HDAC7: variants seen among roughly 807,000 people sequenced by gnomAD.
HDAC7 encodes histone deacetylase 7.
In HDAC7, 26 loss-of-function variants were observed where a neutral mutation model predicts 115.5. The ratio of observed to expected loss-of-function variants is 0.23; its 90% CI spans 0.16 to 0.31. The LOEUF is 0.31. Among genes scored for constraint, HDAC7 ranks in the 10% least tolerant of loss-of-function variants. The pLI, the probability that HDAC7 is intolerant of heterozygous loss-of-function variation, is 1.00. For missense variants in HDAC7, 1,068 were observed against 1,329.0 expected (o/e 0.80, Z 3.05); for synonymous variants, 564 against 550.9 (o/e 1.02, Z -0.33).
rs754974512 is a variant in HDAC7, at chr12:47,782,769, T to G, written c.*1072A>C. 1 of 152,630 alleles carries G rather than the reference T, an allele frequency of 6.6e-6. No homozygotes were observed. Among genetic ancestry groups the G allele is most frequent in the Non-Finnish European group, 1.5e-5 (1 of 68,044 alleles). 9.5% of individuals were successfully genotyped at this position (152,630 alleles called of 1,614,324 possible). On this transcript the variant is annotated 3_prime_UTR_variant, in exon 26 of 26. Coordinates refer to ENST00000080059, the MANE Select transcript of HDAC7 (RefSeq NM_015401.5). ...ATTGTTCAGATTTTTTTCCATTTTC[T>G]TCCTTTTTACAAAAACATGCATACA...
Position 47,795,772 on chromosome 12 carries a change from G to A in HDAC7, c.907-5C>T, listed in dbSNP as rs969144635. On this transcript the variant is annotated splice_region_variant and splice_polypyrimidine_tract_variant and intron_variant, in intron 9 of 25. Coordinates refer to ENST00000080059, the MANE Select transcript of HDAC7 (RefSeq NM_015401.5). The surrounding 1 kb of genome is among the most constrained non-coding windows in gnomAD (Gnocchi z 4.3). Reference sequence around the variant, plus strand: ...GGTCCTGCGGTCACTGTCAGCCTGGGGGAGAGGCGGGAGAAGTCACGGGGA... The same window carrying A: ...GGTCCTGCGGTCACTGTCAGCCTGGAGGAGAGGCGGGAGAAGTCACGGGGA... 1.6e-5 allele frequency: 25 copies of A among 1,520,606 alleles called. No homozygotes were observed. Among genetic ancestry groups the A allele is most frequent in the Admixed American group, 1.0e-4 (5 of 48,512 alleles). The allele number at this position is 1,520,606 out of a possible 1,614,324, so 94.2% of individuals were successfully genotyped here.
chr12:47,788,292 C>A, intron 19 of HDAC7, 128 bp from the exon 20 acceptor site: 1 of 1,228,342 alleles, frequency 8.1e-7, no homozygotes, highest in Non-Finnish European at 1.1e-6. Flanking sequence ...ACCTGGGGTT[C>A]CTAAAGCCAC....
chr12:47,802,510 A>G, intron 1 of HDAC7: 1 of 1,550,230 alleles, frequency 6.5e-7, no homozygotes, highest in Non-Finnish European at 8.7e-7. Context: ...ACTCATTCTA[A>G]ATGACTTGAA....
chr12:47,783,962 C>A lies in HDAC7; in HGVS notation c.2931-76G>T. On this transcript the variant is annotated intron_variant, in intron 25 of 25. Coordinates refer to ENST00000080059, the MANE Select transcript of HDAC7 (RefSeq NM_015401.5). ...GGCCTTAGCTAAGCTTCCTCTCAAC[C>A]CTGGTCAGGAAGCCTGGGAGGGTTG... The A allele has an allele frequency of 1.9e-6, 3 of 1,605,322 alleles. No individual in the cohort carries two copies. In the Admixed American group the frequency reaches 5.0e-5, roughly 27 times the overall value.
At position 47,783,894 on chromosome 12, in the gene HDAC7, G is replaced by A. The variant is rs753918682; in HGVS notation, c.2931-8C>T. On this transcript the variant is annotated splice_region_variant and splice_polypyrimidine_tract_variant and intron_variant, in intron 25 of 25. Transcript: ENST00000080059. ...ACCAGCTGCTCCGAGGGCCTGTGGG[G>A]AGGGACAAGGGTGGGATGCTGGAGC... 1 of 1,613,050 alleles carries A rather than the reference G, an allele frequency of 6.2e-7. No homozygotes were observed. Among genetic ancestry groups the A allele is most frequent in the Non-Finnish European group, 8.5e-7 (1 of 1,179,742 alleles).
intron 1 of HDAC7, among the ~76,000 whole-genome samples, chr12:47,814,813 G>T (rs1355492026): frequency 6.6e-6 from 1 of 152,210 alleles, no homozygotes; most frequent in South Asian, 2.1e-4. Context: ...GTGGGAGACG[G>T]CATCAATGTC....
At chr12:47,785,525 T>C (rs1943127615) in intron 23 of HDAC7, 54 bp from the exon 24 acceptor site, 1 of 1,540,430 alleles carries the variant, frequency 6.5e-7, no homozygotes, top group East Asian at 2.3e-5. Flanking sequence ...CAGGCCCAGC[T>C]CACTCCCACC....
At chr12:47,791,801 G>GGCCCC in intron 14 of HDAC7, 70 bp downstream of exon 14, 17 of 1,510,884 alleles carry the variant, frequency 1.1e-5, no homozygotes, top group Admixed American at 2.0e-5. Context: ...GGGCCCCAGG[G>GGCCCC]CCCCCCACCC....
chr12:47,794,799 A>C lies in HDAC7; in HGVS notation c.1419T>G (p.Pro473=), dbSNP rs777047330. The C allele has an allele frequency of 1.2e-5, 20 of 1,611,116 alleles. No individual in the cohort carries two copies. Among genetic ancestry groups the C allele is most frequent in the Non-Finnish European group, 1.7e-5 (20 of 1,179,136 alleles). The change falls in exon 12 of 26, where the codon CCT becomes CCG. Residue 473 remains proline (P), a synonymous_variant. Transcript: ENST00000080059. ...GGAGAGGAGCGGGGCCTCTGGCCTC[A>C]GGCTGCCCATGGCCCAGCTCCCTGT... ...LEHRELGHGQ[P]EARGPAPLQQ...
chr12:47,801,073 A>G (rs1357565349), intron 2 of HDAC7, among the ~76,000 whole-genome samples: 2 of 151,996 alleles, frequency 1.3e-5, no homozygotes, highest in Non-Finnish European at 2.9e-5. Flanking sequence ...CCTACATTCT[A>G]CTTTTCCAAA....
Position 47,815,893 on chromosome 12 carries a change from ATTT to A in HDAC7, c.19+3871_19+3873del, listed in dbSNP as rs34394540. Among the ~76,000 whole-genome samples the A allele has an allele frequency of 5.1e-5, 6 of 118,284 alleles. No homozygotes were observed. In the South Asian group the frequency reaches 1.4e-3, roughly 28 times the overall value. The allele number at this position is 118,284 out of a possible 152,430, so 77.6% of individuals were successfully genotyped here. ...CCCAAAGCCACCGCGTCCAGCCAGG[ATTT>A]TTTTTTTTTTTTTTTTTTACAGAGT... On this transcript the variant is annotated intron_variant, in intron 1 of 25. Coordinates refer to ENST00000080059, the MANE Select transcript of HDAC7 (RefSeq NM_015401.5).
chr12:47,802,442 C>G, intron 1 of HDAC7, 168 bp from the exon 2 acceptor site: 2 of 1,550,516 alleles, frequency 1.3e-6, no homozygotes, highest in South Asian at 1.2e-5. Context: ...CCACCCCATT[C>G]GACTCCTCCA....
At position 47,797,075 on chromosome 12, in the gene HDAC7, C is replaced by T; in HGVS notation, c.645G>A (p.Leu215=). 2 of 1,608,072 alleles carry T rather than the reference C, an allele frequency of 1.2e-6. No individual in the cohort carries two copies. Among genetic ancestry groups the T allele is most frequent in the Non-Finnish European group, 1.7e-6 (2 of 1,177,356 alleles). ...KKSLERRKNP[L]LRKESAPPSL... ...TGGGGGGCGCACTCTCCTTTCGGAG[C>T]AGTGGATTCTTCCTCCGCTCCAGGG... Residue 215 remains leucine, a synonymous_variant, in exon 7 of 26, where the codon CTG becomes CTA. Transcript: ENST00000080059. The surrounding 1 kb of genome is among the most constrained non-coding windows in gnomAD (Gnocchi z 5.5).
At chr12:47,802,173 A>C (rs1592676760) in intron 2 of HDAC7, 51 bp downstream of exon 2, 1 of 1,566,796 alleles carries the variant, frequency 6.4e-7, no homozygotes, top group African/African-American at 1.4e-5. Context: ...CAGCCTTTCC[A>C]CCCCTCATCT....
rs796261926 is a variant in HDAC7 at position 47,803,502 on chromosome 12, G to A, written c.20-1228C>T. ...TGCTTTGGGTAACAAAGTTCGGTCC[G>A]AAAATGCTGCTCTACCTATTTAAAT... On this transcript the variant is annotated intron_variant, in intron 1 of 25. Coordinates refer to ENST00000080059, the MANE Select transcript of HDAC7 (RefSeq NM_015401.5). The surrounding 1 kb of genome is among the most constrained non-coding windows in gnomAD (Gnocchi z 4.0). Among the ~76,000 whole-genome samples the A allele has an allele frequency of 1.2e-4, 19 of 152,248 alleles. No homozygotes were observed. The highest frequency in any genetic ancestry group is 3.6e-4 in the African/African-American group (15 of 41,536).
At chr12:47,796,908 C>T (rs1004430356) in intron 7 of HDAC7, 109 bp downstream of exon 7, 26 of 1,252,778 alleles carry the variant, frequency 2.1e-5, no homozygotes, top group Non-Finnish European at 2.7e-5. Flanking sequence ...CATGCAACCA[C>T]GCATGGCAGT....
At chr12:47,786,274 A>C (rs1181107484) in intron 22 of HDAC7, among the ~76,000 whole-genome samples, 1 of 152,130 alleles carries the variant, frequency 6.6e-6, no homozygotes, top group Non-Finnish European at 1.5e-5. Flanking sequence ...CTGCCAGCCC[A>C]CCTGGAATCA....
chr12:47,800,607 G>A (rs564651963), intron 2 of HDAC7, among the ~76,000 whole-genome samples: 67 of 152,270 alleles, frequency 4.4e-4, no homozygotes, highest in African/African-American at 1.6e-3. Flanking sequence ...GTTGAGTCTG[G>A]GTTTCGAATA....
chr12:47,796,950 C>T (rs1592661135), intron 7 of HDAC7, 67 bp downstream of exon 7: 5 of 1,483,864 alleles, frequency 3.4e-6, no homozygotes, highest in Non-Finnish European at 4.5e-6. Context: ...TAGGTGGGGC[C>T]TGACCCAAAG....
Sources: allele counts gnomAD v4.1 joint callset (sites outside exome capture counted in the v4.1 genomes callset), GRCh38; gene constraint gnomAD v4.1.1; non-coding constraint Gnocchi (gnomAD v3.1); transcripts MANE v1.5; gene names NCBI Gene and HGNC (gene_info 2026-07-23, HGNC 2026-07-21).